The following RASSF5 variants were observed in gnomAD, a reference collection of about 807,000 sequenced individuals.
RASSF5 encodes ras association domain-containing protein 5.
Under a neutral mutation model 40.5 loss-of-function variants are expected in RASSF5, and 25 were observed. The observed-to-expected ratio is 0.62, with a 90% CI of 0.45 to 0.86. The LOEUF (loss-of-function observed/expected upper bound fraction) is 0.86, where lower values mean the gene tolerates loss of function less well. RASSF5 is among the 40% of genes least tolerant of loss of function. The pLI is 0.00. For missense variants in RASSF5, 521 were observed against 572.8 expected, an observed-to-expected ratio of 0.91 and a Z score of 0.92; for synonymous variants, 246 against 252.4, an observed-to-expected ratio of 0.97 and a Z score of 0.24.
chr1:206,525,881 G>T (rs4424510), intron 1 of RASSF5, among the ~76,000 whole-genome samples: 201 of 152,336 alleles, frequency 1.3e-3, no homozygotes, highest in African/African-American at 4.3e-3. Flanking sequence ...ACAGAAAACT[G>T]ATACAGTCAT....
At chr1:206,569,320 T>G (rs1162612623) in intron 2 of RASSF5, among the ~76,000 whole-genome samples, 1 of 152,218 alleles carries the variant, frequency 6.6e-6, no homozygotes, top group Non-Finnish European at 1.5e-5. Flanking sequence ...AATCAGGTTT[T>G]AGTGGCAACA....
Position 206,513,955 on chromosome 1 carries a change from A to G in RASSF5, c.457+5896A>G, listed in dbSNP as rs572454120. Among the ~76,000 whole-genome samples, 1 of 152,240 alleles carries G rather than the reference A, an allele frequency of 6.6e-6. No individual in the cohort carries two copies. The highest frequency in any genetic ancestry group is 1.5e-5 in the Non-Finnish European group (1 of 68,004). ...CTCACACCTGGGGAAGTGACTTTTG[A>G]GTTTTTTCTGAAGCACTCATAACTA... On this transcript the variant is annotated intron_variant, in intron 1 of 5. Transcript: ENST00000579436. This position sits in a 1 kb window ranked among gnomAD's most constrained non-coding sequence, Gnocchi z 5.0.
At chr1:206,514,295 C>G (rs2103501666) in intron 1 of RASSF5, among the ~76,000 whole-genome samples, 1 of 152,336 alleles carries the variant, frequency 6.6e-6, no homozygotes, top group East Asian at 1.9e-4. Flanking sequence ...GTAGCAGGTT[C>G]TAGATTTTCT....
intron 2 of RASSF5, among the ~76,000 whole-genome samples, chr1:206,578,085 G>A (rs1463387363): frequency 1.3e-5 from 2 of 150,826 alleles, no homozygotes; most frequent in Non-Finnish European, 3.0e-5. Flanking sequence ...AAATTAGCCA[G>A]GAGTGTGGCA....
intron 2 of RASSF5, among the ~76,000 whole-genome samples, chr1:206,566,855 T>C (rs1019768168): frequency 4.6e-5 from 7 of 152,140 alleles, no homozygotes; most frequent in East Asian, 3.9e-4. Flanking sequence ...CCAGGGACCA[T>C]AGCTTGTTCA....
intron 2 of RASSF5, chr1:206,557,015 C>T (rs1465015028): frequency 2.5e-6 from 1 of 392,580 alleles, no homozygotes; most frequent in Non-Finnish European, 3.5e-6. Context: ...CATCCTGGTC[C>T]CTTCTTTCCC....
chr1:206,508,181 A>G, intron 1 of RASSF5, 122 bp downstream of exon 1: 1 of 738,560 alleles, frequency 1.4e-6, no homozygotes, highest in Non-Finnish European at 2.0e-6. Context: ...GGAGCCCCGA[A>G]CATAAGGAGA....
chr1:206,576,612 TG>T (rs2103559704), intron 2 of RASSF5, among the ~76,000 whole-genome samples: 1 of 152,238 alleles, frequency 6.6e-6, no homozygotes, highest in African/African-American at 2.4e-5. Flanking sequence ...TTTCTCCATG[TG>T]GGAATCAAAA....
At chr1:206,530,240 T>C (rs1341636804) in intron 1 of RASSF5, among the ~76,000 whole-genome samples, 2 of 152,230 alleles carry the variant, frequency 1.3e-5, no homozygotes, top group African/African-American at 4.8e-5. Context: ...GCATAATGTA[T>C]AAGTATGTAT....
chr1:206,577,289 A>T (rs1398559878), intron 2 of RASSF5, among the ~76,000 whole-genome samples: 2 of 152,186 alleles, frequency 1.3e-5, no homozygotes, highest in African/African-American at 4.8e-5. Context: ...AACAAACTCT[A>T]TGGGCATGTG....
chr1:206,573,875 T>A (rs1376642943), intron 2 of RASSF5, among the ~76,000 whole-genome samples: 2 of 152,150 alleles, frequency 1.3e-5, no homozygotes, highest in Non-Finnish European at 2.9e-5. Context: ...GGAGTCTTAG[T>A]GAGGTGGACT....
At chr1:206,581,561 T>C (rs2336943) in intron 2 of RASSF5, among the ~76,000 whole-genome samples, 117,432 of 151,556 alleles carry the variant, frequency 0.77, 45,674 homozygotes, top group East Asian at 0.96. Flanking sequence ...ATCGTGCCAC[T>C]GCATTCCAGC....
At chr1:206,517,345 C>T (rs1359670994) in intron 1 of RASSF5, among the ~76,000 whole-genome samples, 1 of 152,066 alleles carries the variant, frequency 6.6e-6, no homozygotes, top group Non-Finnish European at 1.5e-5. Flanking sequence ...TGTGGTGGTG[C>T]CCACCTGTAG....
Position 206,584,754 on chromosome 1 carries a change from C to A in RASSF5, c.988+70C>A, listed in dbSNP as rs1553407232. On this transcript the variant is annotated intron_variant, in intron 4 of 5. Transcript: ENST00000579436. This position sits in a 1 kb window ranked among gnomAD's most constrained non-coding sequence, Gnocchi z 4.9. ...GTGTCCAAGCCCACCCACTAAAACT[C>A]CTGCCGGCCTTGGGTGGGAGCTGTG... The A allele has an allele frequency of 6.5e-7, 1 of 1,545,434 alleles. No individual in the cohort carries two copies. Among genetic ancestry groups the A allele is most frequent in the South Asian group, 1.2e-5 (1 of 86,104 alleles).
At chr1:206,529,056 C>T (rs1459197419) in intron 1 of RASSF5, 3 of 952,856 alleles carry the variant, frequency 3.1e-6, no homozygotes, top group Non-Finnish European at 4.8e-6. Context: ...CAAAAGAGAC[C>T]TCACCTGCTT....
intron 2 of RASSF5, among the ~76,000 whole-genome samples, chr1:206,576,976 G>GT (rs1254499379): frequency 9.6e-6 from 1 of 103,830 alleles, no homozygotes; most frequent in East Asian, 2.6e-4. Flanking sequence ...GCTAATTTTT[G>GT]TATTTTTTTT....
Position 206,587,351 on chromosome 1 carries a change from G to C in RASSF5, c.*373G>C, listed in dbSNP as rs1293342233. On this transcript the variant is annotated 3_prime_UTR_variant, in exon 6 of 6. Coordinates refer to ENST00000579436, the MANE Select transcript of RASSF5 (RefSeq NM_182663.4). ...TTTTAGAGCTGTGTGTTCTTTCTCTGGCATTGATTCCTCTTTGAGTTCTCT... is the reference window on the plus strand; with the variant it reads ...TTTTAGAGCTGTGTGTTCTTTCTCTCGCATTGATTCCTCTTTGAGTTCTCT... The C allele has an allele frequency of 9.3e-6, 3 of 323,622 alleles. No homozygotes were observed. Among genetic ancestry groups the C allele is most frequent in the Non-Finnish European group, 1.8e-5 (3 of 167,042 alleles). The allele number at this position is 323,622 out of a possible 1,614,324, so 20.0% of individuals were successfully genotyped here.
intron 2 of RASSF5, among the ~76,000 whole-genome samples, chr1:206,576,075 T>G (rs1031248252): frequency 6.6e-6 from 1 of 152,202 alleles, no homozygotes; most frequent in Non-Finnish European, 1.5e-5. Flanking sequence ...CCAAAAAGCT[T>G]AGGCACCAAA....
At chr1:206,530,775 C>T (rs1318025165) in intron 1 of RASSF5, among the ~76,000 whole-genome samples, 9 of 152,222 alleles carry the variant, frequency 5.9e-5, no homozygotes, top group African/African-American at 7.2e-5. Context: ...AGCCCCTCCC[C>T]GCTGCAGGGA....
Sources: allele counts gnomAD v4.1 joint callset (sites outside exome capture counted in the v4.1 genomes callset), GRCh38; gene constraint gnomAD v4.1.1; non-coding constraint Gnocchi (gnomAD v3.1); transcripts MANE v1.5; gene names NCBI Gene and HGNC (gene_info 2026-07-23, HGNC 2026-07-21).